EXOC4: variants seen among roughly 807,000 people sequenced by gnomAD.
The protein encoded by EXOC4 is exocyst complex component 4.
A neutral mutation model predicts 107.2 loss-of-function variants in EXOC4; 71 were observed. The observed-to-expected ratio is 0.66, with a 90% CI of 0.55 to 0.81. The LOEUF (loss-of-function observed/expected upper bound fraction) is 0.81. EXOC4 is among the 30% of genes least tolerant of loss of function. The probability of loss-of-function intolerance (pLI) is 0.00; values close to 1 mark genes in which losing one functional copy is unlikely to be tolerated. For synonymous variants in EXOC4, 456 were observed against 441.2 expected (o/e 1.03, Z -0.42); for missense variants, 1,108 against 1,189.6 (o/e 0.93, Z 1.01).
intron 12 of EXOC4, among the ~76,000 whole-genome samples, chr7:133,904,345 T>C (rs1192239531): frequency 1.3e-5 from 2 of 152,140 alleles, no homozygotes; most frequent in African/African-American, 4.8e-5. Context: ...GGAACATGGA[T>C]AGTTTTGCCT....
At chr7:134,099,616 G>A in the EXOC4 span, among the ~76,000 whole-genome samples, 4 of 137,660 alleles carry the variant, frequency 2.9e-5, no homozygotes, top group Admixed American at 1.7e-4. Context: ...TGCAGGCTCC[G>A]CCCCCCGGGG....
At chr7:133,390,206 A>T (rs1203977936) in intron 7 of EXOC4, among the ~76,000 whole-genome samples, 1 of 152,092 alleles carries the variant, frequency 6.6e-6, no homozygotes, top group African/African-American at 2.4e-5. Context: ...CAGCTCAGAA[A>T]CTCGTGAGTG....
chr7:133,488,508 G>A (rs891265124), intron 9 of EXOC4, among the ~76,000 whole-genome samples: 3 of 152,064 alleles, frequency 2.0e-5, no homozygotes, highest in Non-Finnish European at 4.4e-5. Context: ...AATATTATAT[G>A]AGGGAGAAAT....
chr7:133,532,457 T>G (rs1270146834), intron 9 of EXOC4, among the ~76,000 whole-genome samples: 4 of 152,074 alleles, frequency 2.6e-5, no homozygotes, highest in Non-Finnish European at 5.9e-5. Flanking sequence ...AGTTGGTGCT[T>G]CGTTTTGTAG....
At chr7:133,888,732 G>C (rs1323557228) in intron 11 of EXOC4, among the ~76,000 whole-genome samples, 1 of 152,182 alleles carries the variant, frequency 6.6e-6, no homozygotes, top group Non-Finnish European at 1.5e-5. Context: ...AATCTCGTGA[G>C]AAAATGCACT....
rs75989918 is a variant in EXOC4, at chr7:133,816,983, C to T, written c.1515-342C>T. Among the ~76,000 whole-genome samples, 370 of 152,226 alleles carry T rather than the reference C, an allele frequency of 2.4e-3. 5 individuals carry two copies. The highest frequency in any genetic ancestry group is 8.1e-3 in the African/African-American group (338 of 41,538). ...GTTTCGGTGGGAAATATGTACTCTT[C>T]GGGGATGTGCTTTTTAATTTCACAA... On this transcript the variant is annotated intron_variant, in intron 10 of 17. Coordinates refer to ENST00000253861, the MANE Select transcript of EXOC4 (RefSeq NM_021807.4).
At chr7:133,921,506 T>C (rs1223122034) in intron 13 of EXOC4, among the ~76,000 whole-genome samples, 1 of 152,208 alleles carries the variant, frequency 6.6e-6, no homozygotes, top group Non-Finnish European at 1.5e-5. Flanking sequence ...CTAAATATTT[T>C]ACTCCACTCT....
In EXOC4 at chr7:133,783,258, T is replaced by G. The variant is rs186109691; in HGVS notation, c.1515-34067T>G. 2.0e-5 allele frequency among the ~76,000 whole-genome samples: 3 copies of G among 152,314 alleles called. No individual in the cohort carries two copies. In the East Asian group the frequency reaches 5.8e-4, roughly 29 times the overall value. ...GGAGACCTAAGTATATGAAGATGTC[T>G]TCATAGCATCCTTAAGTTTCATTGT... On this transcript the variant is annotated intron_variant, in intron 10 of 17. Coordinates refer to ENST00000253861, the MANE Select transcript of EXOC4 (RefSeq NM_021807.4).
intron 10 of EXOC4, among the ~76,000 whole-genome samples, chr7:133,641,096 A>C (rs184916614): frequency 8.1e-4 from 124 of 152,314 alleles, no homozygotes; most frequent in African/African-American, 2.8e-3. Context: ...GAAGCTTGAC[A>C]TGAGGGATTA....
At chr7:133,524,819 A>G (rs1800049851) in intron 9 of EXOC4, among the ~76,000 whole-genome samples, 1 of 152,134 alleles carries the variant, frequency 6.6e-6, no homozygotes, top group South Asian at 2.1e-4. Context: ...TGGTACCAGC[A>G]CCATACCTTT....
chr7:133,780,303 T>TCA (rs1554400407), intron 10 of EXOC4, among the ~76,000 whole-genome samples: 1 of 143,898 alleles, frequency 6.9e-6, no homozygotes, highest in African/African-American at 2.5e-5. Flanking sequence ...TTGAAGAATC[T>TCA]AAAAAAAAAA....
At chr7:133,616,918 A>G (rs1480558496) in intron 9 of EXOC4, among the ~76,000 whole-genome samples, 1 of 152,174 alleles carries the variant, frequency 6.6e-6, no homozygotes, top group East Asian at 1.9e-4. Context: ...TTATAATCTA[A>G]GAAATCAAAA....
intron 5 of EXOC4, among the ~76,000 whole-genome samples, chr7:133,347,710 A>G (rs1254691015): frequency 6.6e-6 from 1 of 152,174 alleles, no homozygotes; most frequent in Non-Finnish European, 1.5e-5. Flanking sequence ...AGACATACAT[A>G]CCAATATATC....
intron 5 of EXOC4, among the ~76,000 whole-genome samples, chr7:133,343,596 G>GTTT (rs1415362333): frequency 7.0e-6 from 1 of 142,268 alleles, no homozygotes; most frequent in South Asian, 2.2e-4. Flanking sequence ...TTTTAGTTCC[G>GTTT]TTTTTTTTTT....
intron 2 of EXOC4, among the ~76,000 whole-genome samples, chr7:133,280,025 A>G (rs1032046508): frequency 2.0e-5 from 3 of 151,882 alleles, no homozygotes; most frequent in Non-Finnish European, 4.4e-5. Context: ...TGGTGCCATC[A>G]TAGCTCACTG....
chr7:133,929,002 G>T (rs1299155954), intron 13 of EXOC4, among the ~76,000 whole-genome samples: 1 of 134,704 alleles, frequency 7.4e-6, no homozygotes, highest in East Asian at 2.3e-4. Context: ...GCACCATCTC[G>T]GCTCACTGCA....
At chr7:133,787,963 TTATATATATATATATA>T (rs1163259405) in intron 10 of EXOC4, among the ~76,000 whole-genome samples, 1,196 of 40,962 alleles carry the variant, frequency 0.029, 77 homozygotes, top group South Asian at 0.054. Context: ...ATTTATATAT[TTATATATATATATATA>T]TATATATATA....
rs373006714 is a variant in EXOC4 at position 133,489,192 on chromosome 7, G to A, written c.1417+9054G>A. ...AACATCACCTCTGGAGAGGATGGAGGAGGGTTGTAACCAAAGAGAGGATCT... is the reference window on the plus strand; with the variant it reads ...AACATCACCTCTGGAGAGGATGGAGAAGGGTTGTAACCAAAGAGAGGATCT... On this transcript the variant is annotated intron_variant, in intron 9 of 17. Coordinates refer to ENST00000253861, the MANE Select transcript of EXOC4 (RefSeq NM_021807.4). 1.1e-3 allele frequency among the ~76,000 whole-genome samples: 168 copies of A among 152,136 alleles called. 1 individual carries two copies. Among genetic ancestry groups the A allele is most frequent in the African/African-American group, 3.8e-3 (159 of 41,534 alleles).
chr7:133,446,826 T>C (rs1437535445), intron 7 of EXOC4, among the ~76,000 whole-genome samples: 2 of 152,202 alleles, frequency 1.3e-5, no homozygotes, highest in Non-Finnish European at 2.9e-5. Context: ...TATTCTTGAT[T>C]TGCAACTATT....
Sources: allele counts gnomAD v4.1 joint callset (sites outside exome capture counted in the v4.1 genomes callset), GRCh38; gene constraint gnomAD v4.1.1; transcripts MANE v1.5; gene names NCBI Gene and HGNC (gene_info 2026-07-23, HGNC 2026-07-21).